Variants in LMCD1 observed in about 807,000 individuals in gnomAD.
LMCD1 encodes LIM and cysteine rich domains 1, also known as LIM and cysteine-rich domains protein 1.
Under a neutral mutation model 42.7 loss-of-function variants are expected in LMCD1, and 32 were observed. That is an observed-to-expected ratio of 0.75 (90% CI 0.57 to 1.01). The LOEUF (loss-of-function observed/expected upper bound fraction) is 1.01. LMCD1 is among the 50% of genes least tolerant of loss of function. The pLI is 0.00. For synonymous variants in LMCD1, 178 were observed against 184.9 expected (o/e 0.96, Z 0.30); for missense variants, 458 against 483.1 (o/e 0.95, Z 0.49).
At chr3:8,566,799 T>A (rs1023053376) in intron 5 of LMCD1, among the ~76,000 whole-genome samples, 1 of 152,224 alleles carries the variant, frequency 6.6e-6, no homozygotes, top group African/African-American at 2.4e-5. Context: ...AGTTGGTCAT[T>A]TGGCAATCAT....
At chr3:8,535,081 G>C (rs1044521684) in intron 2 of LMCD1, among the ~76,000 whole-genome samples, 12 of 152,230 alleles carry the variant, frequency 7.9e-5, no homozygotes, top group East Asian at 1.9e-4. Flanking sequence ...AGGTCAGATG[G>C]GACACTGAAG....
intron 3 of LMCD1, among the ~76,000 whole-genome samples, chr3:8,539,872 G>A (rs1037927117): frequency 2.2e-5 from 3 of 138,550 alleles, no homozygotes; most frequent in East Asian, 2.0e-4. Context: ...TGTGCACAAC[G>A]TGCAGGTTTG....
At chr3:8,546,165 A>G (rs1694731876) in intron 3 of LMCD1, among the ~76,000 whole-genome samples, 1 of 152,138 alleles carries the variant, frequency 6.6e-6, no homozygotes, top group Admixed American at 6.6e-5. Flanking sequence ...AAAAAGAGAA[A>G]GTCAGTAGCA....
At position 8,574,591 on chromosome 3, in the gene LMCD1, T is replaced by C. The variant is rs2125044718; in HGVS notation, c.*6993T>C. On this transcript the variant is annotated 3_prime_UTR_variant, in exon 6 of 6. Transcript: ENST00000157600. ...AATTATAATGCCACTAAAATTCTCA[T>C]TTGTATTAATTTTTTTTAATTACTG... 1 of 152,318 alleles carries C rather than the reference T, an allele frequency of 6.6e-6. No individual in the cohort carries two copies. Among genetic ancestry groups the C allele is most frequent in the Non-Finnish European group, 1.5e-5 (1 of 68,018 alleles). 9.4% of individuals were successfully genotyped at this position (152,318 alleles called of 1,614,324 possible).
rs1215895614 is a variant in LMCD1, at chr3:8,571,848, G to T, written c.*4250G>T. The T allele has an allele frequency of 6.6e-6, 1 of 152,186 alleles. No individual in the cohort carries two copies. The highest frequency in any genetic ancestry group is 2.4e-5 in the African/African-American group (1 of 41,436). The allele number at this position is 152,186 out of a possible 1,614,324, so 9.4% of individuals were successfully genotyped here. A position where few individuals can be genotyped will look rare whatever the true frequency, so the allele number is the denominator to read the frequency against. On this transcript the variant is annotated 3_prime_UTR_variant, in exon 6 of 6. Transcript: ENST00000157600. The stretch of plus-strand genomic sequence containing the variant: ...AGAAGAGAACAAAGAGCTATTAGAG[G>T]GTGTTGCTGACACAATGCTTTATCA...
chr3:8,551,045 A>G, intron 4 of LMCD1: 1 of 985,458 alleles, frequency 1.0e-6, no homozygotes, highest in Non-Finnish European at 1.2e-6. Context: ...GAAAAGGCCA[A>G]AGTCAGAAAA....
chr3:8,531,012 A>G (rs1192448874), intron 1 of LMCD1, among the ~76,000 whole-genome samples: 1 of 152,242 alleles, frequency 6.6e-6, no homozygotes, highest in African/African-American at 2.4e-5. Flanking sequence ...GACATGGTGT[A>G]CACAGCAGTC....
chr3:8,533,983 A>C (rs1312291738), intron 2 of LMCD1, among the ~76,000 whole-genome samples: 5 of 146,592 alleles, frequency 3.4e-5, no homozygotes, highest in African/African-American at 1.0e-4. Flanking sequence ...CCCTTCAAAA[A>C]CTCCTTCTAT....
At chr3:8,534,469 C>T (rs984289515) in intron 2 of LMCD1, among the ~76,000 whole-genome samples, 3 of 152,158 alleles carry the variant, frequency 2.0e-5, no homozygotes, top group African/African-American at 7.2e-5. Context: ...CAGATTGAAG[C>T]TTGCAGGTCC....
At chr3:8,508,788 G>A (rs1228675502) in intron 1 of LMCD1, among the ~76,000 whole-genome samples, 1 of 152,204 alleles carries the variant, frequency 6.6e-6, no homozygotes, top group Admixed American at 6.5e-5. Flanking sequence ...GGAGAAAAGA[G>A]TGTCTGCTGT....
At chr3:8,550,766 T>A in intron 4 of LMCD1, 1 of 985,200 alleles carries the variant, frequency 1.0e-6, no homozygotes, top group African/African-American at 1.7e-5. Flanking sequence ...CTGTCCACCC[T>A]CAAATAGCTG....
At chr3:8,554,069 G>A (rs532593900) in intron 4 of LMCD1, among the ~76,000 whole-genome samples, 9 of 152,152 alleles carry the variant, frequency 5.9e-5, no homozygotes, top group African/African-American at 1.7e-4. Flanking sequence ...TTAGATACAC[G>A]GCTCTCACTC....
rs530684484 is a variant in LMCD1, at chr3:8,501,864, C to G, written c.-75C>G. The G allele has an allele frequency of 4.8e-5, 68 of 1,416,310 alleles. No individual in the cohort carries two copies. In the East Asian group the frequency reaches 5.4e-4, roughly 11 times the overall value. The allele number at this position is 1,416,310 out of a possible 1,614,324, so 87.7% of individuals were successfully genotyped here. The stretch of plus-strand genomic sequence containing the variant: ...CAGGCCCGCGAACTTGGCCATTCAG[C>G]CGCCGCTGTCCCCGCTGCGCGCCCT... On this transcript the variant is annotated 5_prime_UTR_variant, in exon 1 of 6. Transcript: ENST00000157600.
chr3:8,524,200 GAAAAAAAAAA>G (rs767993356), intron 1 of LMCD1, among the ~76,000 whole-genome samples: 3 of 87,484 alleles, frequency 3.4e-5, no homozygotes, highest in South Asian at 3.8e-4. Context: ...ACTTCTTAAG[GAAAAAAAAAA>G]AAAAAAAAAA....
intron 4 of LMCD1, among the ~76,000 whole-genome samples, chr3:8,556,276 C>T (rs1694931922): frequency 1.3e-5 from 2 of 152,146 alleles, no homozygotes; most frequent in Admixed American, 1.3e-4. Context: ...TTTCAAACTT[C>T]AGGTCACAAT....
intron 1 of LMCD1, among the ~76,000 whole-genome samples, chr3:8,518,546 T>C (rs190424467): frequency 3.3e-5 from 5 of 152,276 alleles, no homozygotes; most frequent in Admixed American, 3.3e-4. Flanking sequence ...CCAAGTCTCC[T>C]TGCCTTGAGC....
At chr3:8,502,369 A>ATTATATAT (rs1693766495) in intron 1 of LMCD1, among the ~76,000 whole-genome samples, 3 of 25,214 alleles carry the variant, frequency 1.2e-4, no homozygotes, top group Admixed American at 1.8e-3. Flanking sequence ...ATATTATATA[A>ATTATATAT]AATATATATA....
At chr3:8,509,240 T>C (rs1201420813) in intron 1 of LMCD1, among the ~76,000 whole-genome samples, 1 of 151,786 alleles carries the variant, frequency 6.6e-6, no homozygotes, top group Non-Finnish European at 1.5e-5. Context: ...CCAAATTCAG[T>C]TTACCTACAT....
chr3:8,560,708 T>C (rs1695018981), intron 4 of LMCD1, among the ~76,000 whole-genome samples: 1 of 152,210 alleles, frequency 6.6e-6, no homozygotes, highest in African/African-American at 2.4e-5. Context: ...AATAAGTAGA[T>C]GATGACTGGT....
Sources: gnomAD v4.1 joint callset for allele counts (sites outside exome capture counted in the v4.1 genomes callset) on GRCh38, gnomAD v4.1.1 for gene constraint, MANE v1.5 for transcripts, NCBI Gene and HGNC (gene_info 2026-07-23, HGNC 2026-07-21) for gene names.